DLEU7: variants seen among roughly 807,000 people sequenced by gnomAD.
The protein encoded by DLEU7 is deleted in lymphocytic leukemia 7, also known as leukemia-associated protein 7.
In DLEU7, 17 loss-of-function variants were observed where a neutral mutation model predicts 16.0. The observed-to-expected ratio is 1.06, with a 90% CI of 0.73 to 1.59. The LOEUF is 1.59. Ranked by LOEUF, DLEU7 falls within the 40% of genes most tolerant of loss-of-function variation. The pLI, the probability that DLEU7 is intolerant of heterozygous loss-of-function variation, is 0.00. For synonymous variants in DLEU7, 113 were observed against 139.8 expected, an observed-to-expected ratio of 0.81 and a Z score of 1.35; for missense variants, 308 against 314.9, an observed-to-expected ratio of 0.98 and a Z score of 0.17.
intron 1 of DLEU7, among the ~76,000 whole-genome samples, chr13:50,732,635 G>T (rs1265305353): frequency 2.4e-5 from 3 of 125,764 alleles, no homozygotes; most frequent in African/African-American, 1.0e-4. Flanking sequence ...AAGCTTATGT[G>T]CTTATGTTCA....
upstream of DLEU7, chr13:50,843,752 C>A: frequency 2.1e-6 from 3 of 1,418,052 alleles, no homozygotes; most frequent in Non-Finnish European, 2.8e-6. The surrounding 1 kb of genome is among the most constrained non-coding windows in gnomAD (Gnocchi z 5.7). Flanking sequence ...CGCGGCTCCT[C>A]GGCCTCTGGG....
chr13:50,802,502 T>C (rs1455518418), intron 1 of DLEU7, among the ~76,000 whole-genome samples: 1 of 152,190 alleles, frequency 6.6e-6, no homozygotes, highest in Non-Finnish European at 1.5e-5. Context: ...AGTACCTATG[T>C]CAACAGCTAT....
At chr13:50,840,445 G>A (rs985025481) in intron 1 of DLEU7, among the ~76,000 whole-genome samples, 1 of 152,138 alleles carries the variant, frequency 6.6e-6, no homozygotes, top group African/African-American at 2.4e-5. Context: ...GCTCCCAAGG[G>A]AACAAATCAT....
Position 50,765,991 on chromosome 13 carries a change from CAGA to C in DLEU7, c.460-52754_460-52752del, listed in dbSNP as rs892207049. On this transcript the variant is annotated intron_variant, in intron 1 of 1. Coordinates refer to the DLEU7 transcript ENST00000400393. ...CTTGACATTAGCTTTTGGACTTTTTCAGAAGATTTCTTAAATGTACTCTTTAGT... is the reference window on the plus strand; with the variant it reads ...CTTGACATTAGCTTTTGGACTTTTTCAGATTTCTTAAATGTACTCTTTAGT... Among the ~76,000 whole-genome samples, 44 of 152,022 alleles carry C rather than the reference CAGA, an allele frequency of 2.9e-4. 1 individual carries two copies. The highest frequency in any genetic ancestry group is 1.0e-3 in the African/African-American group (42 of 41,480).
intron 1 of DLEU7, among the ~76,000 whole-genome samples, chr13:50,756,558 C>G (rs760824139): frequency 1.3e-5 from 2 of 152,212 alleles, no homozygotes; most frequent in Non-Finnish European, 2.9e-5. Context: ...CGGTCTCCCT[C>G]TCACTGTGAC....
chr13:50,806,451 ATTAT>A (rs1157413899), intron 1 of DLEU7, among the ~76,000 whole-genome samples: 5 of 151,176 alleles, frequency 3.3e-5, no homozygotes, highest in African/African-American at 1.2e-4. Flanking sequence ...TCTTTTAGTG[ATTAT>A]TTAGTTCTCA....
intron 1 of DLEU7, among the ~76,000 whole-genome samples, chr13:50,772,761 G>T (rs981630433): frequency 6.6e-6 from 1 of 152,062 alleles, no homozygotes; most frequent in Non-Finnish European, 1.5e-5. Context: ...TGCTCTTCTC[G>T]AGGAGTATCT....
intron 1 of DLEU7, among the ~76,000 whole-genome samples, chr13:50,780,216 A>G (rs17074922): frequency 0.018 from 2,669 of 152,268 alleles, 70 homozygotes; most frequent in African/African-American, 0.058. Flanking sequence ...AGTATGGTCT[A>G]GAAGTTCACC....
intron 1 of DLEU7, chr13:50,807,823 C>G (rs1280760361): frequency 2.0e-5 from 3 of 152,034 alleles, no homozygotes; most frequent in South Asian, 4.2e-4. Context: ...GGAGATGATG[C>G]CTGGCTAAAG....
intron 1 of DLEU7, among the ~76,000 whole-genome samples, chr13:50,742,307 T>C (rs2137726007): frequency 6.6e-6 from 1 of 152,298 alleles, no homozygotes; most frequent in Non-Finnish European, 1.5e-5. Context: ...TGTAAGAGCA[T>C]TTGGTGGAAA....
chr13:50,766,972 G>A (rs1875132300), intron 1 of DLEU7, among the ~76,000 whole-genome samples: 1 of 152,140 alleles, frequency 6.6e-6, no homozygotes, highest in Non-Finnish European at 1.5e-5. Context: ...CTGCCTGTCT[G>A]AACCCTCATC....
chr13:50,842,842 G>A (rs1466135990), intron 1 of DLEU7, among the ~76,000 whole-genome samples: 2 of 152,212 alleles, frequency 1.3e-5, no homozygotes, highest in Non-Finnish European at 2.9e-5. Flanking sequence ...GGTGGGGGGA[G>A]CTGTCCTCTA....
chr13:50,840,451 A>G (rs1402736044), intron 1 of DLEU7, among the ~76,000 whole-genome samples: 1 of 152,212 alleles, frequency 6.6e-6, no homozygotes, highest in Non-Finnish European at 1.5e-5. Flanking sequence ...AAGGGAACAA[A>G]TCATGCAGAG....
chr13:50,826,725 T>C (rs1877098246), intron 1 of DLEU7, among the ~76,000 whole-genome samples: 2 of 152,144 alleles, frequency 1.3e-5, no homozygotes, highest in Non-Finnish European at 2.9e-5. Context: ...GAGAACAAGT[T>C]AAGTGAAATC....
chr13:50,713,228 C>A (rs369301790), exon 2 of DLEU7: 12 of 1,610,936 alleles, frequency 7.4e-6, no homozygotes, highest in Non-Finnish European at 1.0e-5. Flanking sequence ...CACTCATTAG[C>A]CAGGAGTTGA....
At chr13:50,827,674 G>A (rs962298534) in intron 1 of DLEU7, among the ~76,000 whole-genome samples, 3 of 152,114 alleles carry the variant, frequency 2.0e-5, no homozygotes, top group South Asian at 2.1e-4. Context: ...GCAACAGAGC[G>A]AGACCCTGTC....
chr13:50,843,126 C>A lies in DLEU7; in HGVS notation c.459+62G>T. On this transcript the variant is annotated intron_variant, in intron 1 of 1. Coordinates refer to ENST00000504404, the MANE Select transcript of DLEU7 (RefSeq NM_001306135.2). The surrounding 1 kb of genome is among the most constrained non-coding windows in gnomAD (Gnocchi z 5.7). The stretch of plus-strand genomic sequence containing the variant: ...TCCACCCATCGCCATCCCAGCAGCC[C>A]CACCCTTGGAGGATGGGAGGTTACC... 5.4e-6 allele frequency: 8 copies of A among 1,475,150 alleles called. No individual in the cohort carries two copies. Among genetic ancestry groups the A allele is most frequent in the Non-Finnish European group, 7.3e-6 (8 of 1,101,752 alleles). 91.4% of individuals were successfully genotyped at this position (1,475,150 alleles called of 1,614,324 possible).
intron 1 of DLEU7, among the ~76,000 whole-genome samples, chr13:50,745,401 T>A (rs887485839): frequency 6.6e-6 from 1 of 152,102 alleles, no homozygotes; most frequent in Non-Finnish European, 1.5e-5. Flanking sequence ...TATCAGGGGC[T>A]GGGAGGTTTG....
intron 1 of DLEU7, among the ~76,000 whole-genome samples, chr13:50,729,007 A>T (rs766833249): frequency 2.0e-5 from 3 of 152,010 alleles, no homozygotes; most frequent in Admixed American, 6.6e-5. Context: ...TCAGAATTCT[A>T]TCAGATATAT....
Sources: gnomAD v4.1 joint callset for allele counts (sites outside exome capture counted in the v4.1 genomes callset) on GRCh38, gnomAD v4.1.1 for gene constraint, Gnocchi (gnomAD v3.1) non-coding constraint, MANE v1.5 for transcripts, NCBI Gene and HGNC (gene_info 2026-07-23, HGNC 2026-07-21) for gene names.